BMPR1B: variants seen among roughly 807,000 people sequenced by gnomAD.
BMPR1B encodes the protein bone morphogenetic protein receptor type 1B.
In BMPR1B, 12 loss-of-function variants were observed where a neutral mutation model predicts 59.1. The ratio of observed to expected loss-of-function variants is 0.20; its 90% CI spans 0.13 to 0.33. The LOEUF is 0.33. BMPR1B is among the 10% of genes least tolerant of loss of function. The pLI, the probability that BMPR1B is intolerant of heterozygous loss-of-function variation, is 1.00. For synonymous variants in BMPR1B, 237 were observed against 207.3 expected (o/e 1.14, Z -1.23); for missense variants, 550 against 610.9 (o/e 0.90, Z 1.05).
At chr4:94,998,454 A>G (rs1341964520) in intron 3 of BMPR1B, among the ~76,000 whole-genome samples, 2 of 150,688 alleles carry the variant, frequency 1.3e-5, no homozygotes, top group South Asian at 2.1e-4. Flanking sequence ...GCTCACTGCA[A>G]CCTCCGTCTC....
At chr4:94,780,353 G>A (rs1045188450) in intron 1 of BMPR1B, among the ~76,000 whole-genome samples, 17 of 152,056 alleles carry the variant, frequency 1.1e-4, no homozygotes, top group Non-Finnish European at 2.2e-4. Context: ...GTGTCACTAC[G>A]TAATTCATTT....
intron 1 of BMPR1B, among the ~76,000 whole-genome samples, chr4:94,790,098 T>C (rs768541117): frequency 6.6e-6 from 1 of 152,198 alleles, no homozygotes; most frequent in Non-Finnish European, 1.5e-5. Context: ...ATACACCATA[T>C]AAAGTATGTG....
chr4:94,806,572 A>G (rs1010602908), intron 1 of BMPR1B, among the ~76,000 whole-genome samples: 16 of 152,180 alleles, frequency 1.1e-4, no homozygotes, highest in African/African-American at 2.2e-4. Context: ...AGGCTGTTGC[A>G]CCAGTAGCTA....
chr4:94,809,633 T>C (rs2110636212), intron 1 of BMPR1B, among the ~76,000 whole-genome samples: 1 of 152,362 alleles, frequency 6.6e-6, no homozygotes, highest in South Asian at 2.1e-4. Context: ...CTTTCTTTTG[T>C]GTACATTGTA....
rs1002377910 is a variant in BMPR1B at position 95,029,141 on chromosome 4, C to A, written c.-18+33007C>A. Among the ~76,000 whole-genome samples, 3 of 151,792 alleles carry A rather than the reference C, an allele frequency of 2.0e-5. No homozygotes were observed. The East Asian group carries it at 5.8e-4, about 29-fold the overall frequency. On this transcript the variant is annotated intron_variant, in intron 3 of 12. Coordinates refer to ENST00000515059, the MANE Select transcript of BMPR1B (RefSeq NM_001203.3). ...CTTTAAGTTTTAGGGTACATATGCACAATGTGCAGGTTAGTTACATATGTA... is the reference window on the plus strand; with the variant it reads ...CTTTAAGTTTTAGGGTACATATGCAAAATGTGCAGGTTAGTTACATATGTA...
chr4:95,024,220 TAAAGA>T (rs1380255360), intron 3 of BMPR1B, among the ~76,000 whole-genome samples: 1 of 152,230 alleles, frequency 6.6e-6, no homozygotes, highest in African/African-American at 2.4e-5. Context: ...TCTTTGTAAT[TAAAGA>T]AGTGACTTTA....
At chr4:94,802,063 T>C (rs553938114) in intron 1 of BMPR1B, among the ~76,000 whole-genome samples, 1 of 152,350 alleles carries the variant, frequency 6.6e-6, no homozygotes, top group East Asian at 1.9e-4. Flanking sequence ...TTATTTTGTT[T>C]ATTTTTAGCT....
At chr4:95,045,135 T>G (rs1003807861) in intron 3 of BMPR1B, among the ~76,000 whole-genome samples, 2 of 152,168 alleles carry the variant, frequency 1.3e-5, no homozygotes, top group Non-Finnish European at 2.9e-5. Flanking sequence ...AAAGTAAATT[T>G]TATTCCAAAC....
chr4:94,864,800 G>A (rs1726147584), intron 1 of BMPR1B, among the ~76,000 whole-genome samples: 2 of 152,132 alleles, frequency 1.3e-5, no homozygotes, highest in African/African-American at 4.8e-5. Flanking sequence ...CATGTTCAGC[G>A]CAGACACAGC....
intron 3 of BMPR1B, among the ~76,000 whole-genome samples, chr4:95,014,757 A>T (rs553073021): frequency 6.6e-6 from 1 of 152,180 alleles, no homozygotes; most frequent in African/African-American, 2.4e-5. Flanking sequence ...GATTTTTACT[A>T]TGAGGGTTAA....
chr4:94,994,614 T>C (rs1402490047), intron 2 of BMPR1B, among the ~76,000 whole-genome samples: 3 of 152,226 alleles, frequency 2.0e-5, no homozygotes, highest in African/African-American at 7.2e-5. Flanking sequence ...AATAAGTTAA[T>C]TCATTAGATG....
At chr4:94,826,601 G>A (rs1380774830) in intron 1 of BMPR1B, among the ~76,000 whole-genome samples, 3 of 151,740 alleles carry the variant, frequency 2.0e-5, no homozygotes, top group Non-Finnish European at 4.4e-5. Context: ...CATTTTTAAG[G>A]TAGGGAGAAT....
intron 6 of BMPR1B, among the ~76,000 whole-genome samples, chr4:95,117,300 A>G (rs981258669): frequency 2.1e-4 from 32 of 152,194 alleles, no homozygotes; most frequent in African/African-American, 7.7e-4. Context: ...TGTTCTTCCA[A>G]CTTTAAAGAT....
chr4:94,761,252 A>G (rs1004753950), intron 1 of BMPR1B, among the ~76,000 whole-genome samples: 5 of 152,354 alleles, frequency 3.3e-5, no homozygotes, highest in South Asian at 2.1e-4. Flanking sequence ...TTTCTGATGC[A>G]TGTAAGCATG....
Position 94,840,940 on chromosome 4 carries a change from T to C in BMPR1B, c.-182-34891T>C, listed in dbSNP as rs1463153627. On this transcript the variant is annotated intron_variant, in intron 1 of 12. Coordinates refer to ENST00000515059, the MANE Select transcript of BMPR1B (RefSeq NM_001203.3). ...TGATGGTGATGTACAGATGGGTTTT[T>C]GGTGTGGATGTCCTTTCTGTTTGTT... 7.5e-5 allele frequency among the ~76,000 whole-genome samples: 11 copies of C among 146,828 alleles called. 1 individual carries two copies. Among genetic ancestry groups the C allele is most frequent in the South Asian group, 2.2e-4 (1 of 4,562 alleles).
chr4:94,892,520 T>C (rs973427874), intron 2 of BMPR1B, among the ~76,000 whole-genome samples: 2 of 152,060 alleles, frequency 1.3e-5, no homozygotes, highest in Non-Finnish European at 2.9e-5. Context: ...ACAAGTATGA[T>C]GTACTGTACC....
intron 2 of BMPR1B, among the ~76,000 whole-genome samples, chr4:94,883,991 G>A (rs956857391): frequency 3.3e-5 from 5 of 152,100 alleles, no homozygotes; most frequent in Admixed American, 2.0e-4. Flanking sequence ...TCAGTACCTT[G>A]ATCCAAGGGC....
chr4:95,001,392 A>G (rs1722439074), intron 3 of BMPR1B, among the ~76,000 whole-genome samples: 1 of 151,244 alleles, frequency 6.6e-6, no homozygotes, highest in Admixed American at 6.6e-5. Flanking sequence ...AGTGAGATGG[A>G]GTACTCTCCC....
intron 3 of BMPR1B, among the ~76,000 whole-genome samples, chr4:95,086,062 T>C (rs1261682506): frequency 6.6e-6 from 1 of 152,060 alleles, no homozygotes; most frequent in Non-Finnish European, 1.5e-5. Context: ...AATGTTAATA[T>C]GTTTGACAGT....
Sources: gnomAD v4.1 joint callset for allele counts (sites outside exome capture counted in the v4.1 genomes callset) on GRCh38, gnomAD v4.1.1 for gene constraint, MANE v1.5 for transcripts, NCBI Gene and HGNC (gene_info 2026-07-23, HGNC 2026-07-21) for gene names.